Variants in STX8 observed in about 807,000 individuals in gnomAD.
STX8 encodes the protein syntaxin 8, also known as syntaxin-8.
In STX8, 23 loss-of-function variants were observed where a neutral mutation model predicts 37.5. The observed-to-expected ratio is 0.61, with a 90% CI of 0.44 to 0.87. The LOEUF (loss-of-function observed/expected upper bound fraction) is 0.87, where lower values mean the gene tolerates loss of function less well. Among genes scored for constraint, STX8 ranks in the 40% least tolerant of loss-of-function variants. The pLI, the probability that STX8 is intolerant of heterozygous loss-of-function variation, is 0.00. For synonymous variants in STX8, 115 were observed against 99.1 expected, an observed-to-expected ratio of 1.16 and a Z score of -0.95; for missense variants, 313 against 284.7, an observed-to-expected ratio of 1.10 and a Z score of -0.71.
intron 6 of STX8, among the ~76,000 whole-genome samples, chr17:9,445,864 G>A (rs1904832903): frequency 7.5e-6 from 1 of 134,018 alleles, no homozygotes; most frequent in Non-Finnish European, 1.5e-5. Flanking sequence ...TTGAGACAGA[G>A]TCTTGCTCTG....
intron 6 of STX8, among the ~76,000 whole-genome samples, chr17:9,384,419 A>G (rs1275087575): frequency 6.6e-6 from 1 of 152,156 alleles, no homozygotes; most frequent in Non-Finnish European, 1.5e-5. Context: ...CGGGTGGATC[A>G]TGAGGTCAGG....
chr17:9,295,751 C>A lies in STX8; in HGVS notation c.644-45106G>T, dbSNP rs115633248. ...AATGAGATTCCGTCCCCCCTCCCCC[C>A]CAAAAAAAGGAGGCTGGGTGCAGTG... On this transcript the variant is annotated intron_variant, in intron 7 of 7. Coordinates refer to ENST00000306357, the MANE Select transcript of STX8 (RefSeq NM_004853.3). Among the ~76,000 whole-genome samples, 23 of 151,000 alleles carry A rather than the reference C, an allele frequency of 1.5e-4. No individual in the cohort carries two copies. The South Asian group carries it at 1.7e-3, about 11-fold the overall frequency.
chr17:9,268,888 T>A (rs191795377), intron 7 of STX8, among the ~76,000 whole-genome samples: 5 of 152,082 alleles, frequency 3.3e-5, no homozygotes, highest in Non-Finnish European at 7.4e-5. Context: ...GAAGGATCAG[T>A]AGAAGTATTT....
At chr17:9,513,887 G>A (rs968514275) in intron 4 of STX8, among the ~76,000 whole-genome samples, 1 of 152,182 alleles carries the variant, frequency 6.6e-6, no homozygotes, top group African/African-American at 2.4e-5. Flanking sequence ...TGGAGCTGGA[G>A]GACGTTATTA....
Position 9,431,239 on chromosome 17 carries a change from G to GTT in STX8, c.542-52588_542-52587dup, listed in dbSNP as rs35452165. 9.2e-4 allele frequency among the ~76,000 whole-genome samples: 111 copies of GTT among 120,736 alleles called. 1 individual carries two copies. The highest frequency in any genetic ancestry group is 2.5e-3 in the East Asian group (9 of 3,570). The allele number at this position is 120,736 out of a possible 152,430, so 79.2% of individuals were successfully genotyped here. On this transcript the variant is annotated intron_variant, in intron 6 of 7. Coordinates refer to ENST00000306357, the MANE Select transcript of STX8 (RefSeq NM_004853.3). ...TTTGTTGTTGTTGTTTTATTTTTCTGTTTTTTTTTTTAGTAGAGATGGGGT... is the reference window on the plus strand; with the variant it reads ...TTTGTTGTTGTTGTTTTATTTTTCTGTTTTTTTTTTTTTAGTAGAGATGGGGT...
At chr17:9,277,132 C>T (rs141875411) in intron 7 of STX8, among the ~76,000 whole-genome samples, 1 of 152,246 alleles carries the variant, frequency 6.6e-6, no homozygotes, top group East Asian at 1.9e-4. Context: ...TTTTAACATC[C>T]ATGGCTATTT....
chr17:9,435,018 GCTT>G (rs1328583864), intron 6 of STX8, among the ~76,000 whole-genome samples: 3 of 152,118 alleles, frequency 2.0e-5, no homozygotes, highest in African/African-American at 7.2e-5. Flanking sequence ...GTTTCAGCTG[GCTT>G]CTTCACTGCA....
Position 9,529,195 on chromosome 17 carries a change from C to T in STX8, c.323+15977G>A, listed in dbSNP as rs9909081. On this transcript the variant is annotated intron_variant, in intron 4 of 7. Transcript: ENST00000306357. ...TAGCAACTGGGATGGGCTAAGTTTGCCCTTCTGTTGACTTACATCTCCATC... is the reference window on the plus strand; with the variant it reads ...TAGCAACTGGGATGGGCTAAGTTTGTCCTTCTGTTGACTTACATCTCCATC... Among the ~76,000 whole-genome samples, 753 of 152,014 alleles carry T rather than the reference C, an allele frequency of 5.0e-3. 5 individuals are homozygous for T. The highest frequency in any genetic ancestry group is 0.017 in the African/African-American group (710 of 41,462).
chr17:9,488,979 C>T (rs957405112), intron 6 of STX8, among the ~76,000 whole-genome samples: 1 of 152,044 alleles, frequency 6.6e-6, no homozygotes, highest in African/African-American at 2.4e-5. Context: ...TGGGTTCAAG[C>T]GATTCTCCTG....
chr17:9,321,213 A>G (rs1909565859), intron 7 of STX8, among the ~76,000 whole-genome samples: 1 of 152,146 alleles, frequency 6.6e-6, no homozygotes, highest in Admixed American at 6.5e-5. Flanking sequence ...TCAGGAAATC[A>G]ATAGGTAATG....
intron 7 of STX8, among the ~76,000 whole-genome samples, chr17:9,255,533 AATAAATAAATAAATAAATAAATAT>A (rs201341133): frequency 0.049 from 3,709 of 75,636 alleles, 140 homozygotes; most frequent in African/African-American, 0.11. Context: ...TCTCAAAATA[AATAAATAAATAAATAAATAAATAT>A]ATAAATAAAT....
intron 7 of STX8, among the ~76,000 whole-genome samples, chr17:9,294,447 G>A (rs1247214867): frequency 6.6e-6 from 1 of 152,224 alleles, no homozygotes; most frequent in Non-Finnish European, 1.5e-5. Flanking sequence ...TCTCCATCAG[G>A]ATCAGCTCTG....
chr17:9,258,391 G>C (rs1831079915), intron 7 of STX8, among the ~76,000 whole-genome samples: 2 of 152,228 alleles, frequency 1.3e-5, no homozygotes, highest in Non-Finnish European at 2.9e-5. Flanking sequence ...TTTACATTCT[G>C]ATTTCCAGAT....
chr17:9,456,824 T>C (rs1038485406), intron 6 of STX8, among the ~76,000 whole-genome samples: 2 of 152,164 alleles, frequency 1.3e-5, no homozygotes, highest in Non-Finnish European at 2.9e-5. Flanking sequence ...AAAAAAAAAG[T>C]TCTAAGTTAT....
At chr17:9,502,031 G>C (rs943094571) in intron 5 of STX8, among the ~76,000 whole-genome samples, 4 of 152,236 alleles carry the variant, frequency 2.6e-5, no homozygotes, top group African/African-American at 9.6e-5. Context: ...GAATGGCTAT[G>C]ATCAAAAAGA....
At chr17:9,360,663 T>TAAAA (rs59129684) in intron 7 of STX8, among the ~76,000 whole-genome samples, 13 of 133,422 alleles carry the variant, frequency 9.7e-5, no homozygotes, top group South Asian at 7.6e-4. Flanking sequence ...TTATTAGTGT[T>TAAAA]AAAAAAAAAA....
intron 7 of STX8, among the ~76,000 whole-genome samples, chr17:9,354,469 G>A (rs562860886): frequency 1.3e-5 from 2 of 151,988 alleles, no homozygotes; most frequent in South Asian, 2.1e-4. Context: ...TTACAGGCCC[G>A]TGCCAACATG....
intron 6 of STX8, among the ~76,000 whole-genome samples, chr17:9,490,607 C>T (rs570444404): frequency 2.6e-5 from 4 of 152,220 alleles, no homozygotes; most frequent in Admixed American, 1.3e-4. Context: ...CCTTGTAATC[C>T]GCCTGCCTCA....
chr17:9,391,763 T>C (rs1282768425), intron 6 of STX8, among the ~76,000 whole-genome samples: 1 of 149,034 alleles, frequency 6.7e-6, no homozygotes, highest in Non-Finnish European at 1.5e-5. Flanking sequence ...ATGGGAAGCA[T>C]ATGGCAGAGT....
Sources: gnomAD v4.1 joint callset for allele counts (sites outside exome capture counted in the v4.1 genomes callset) on GRCh38, gnomAD v4.1.1 for gene constraint, MANE v1.5 for transcripts, NCBI Gene and HGNC (gene_info 2026-07-23, HGNC 2026-07-21) for gene names.